BACH2: variants seen among roughly 807,000 people sequenced by gnomAD.
BACH2 encodes the protein BACH transcriptional regulator 2, also known as transcription regulator protein BACH2.
Under a neutral mutation model 61.8 loss-of-function variants are expected in BACH2, and 5 were observed. That is an observed-to-expected ratio of 0.08 (90% confidence interval 0.04 to 0.17). The LOEUF is 0.17. Ranked by LOEUF, BACH2 falls within the 10% of genes least tolerant of loss-of-function variation. The pLI, the probability that BACH2 is intolerant of heterozygous loss-of-function variation, is 1.00. For missense variants in BACH2, 824 were observed against 1,091.1 expected, an observed-to-expected ratio of 0.76 and a Z score of 3.45; for synonymous variants, 446 against 440.1, an observed-to-expected ratio of 1.01 and a Z score of -0.17.
intron 3 of BACH2, among the ~76,000 whole-genome samples, chr6:90,227,549 T>A (rs1769957185): frequency 6.6e-6 from 1 of 152,204 alleles, no homozygotes; most frequent in South Asian, 2.1e-4. Flanking sequence ...ACCCCTCCAT[T>A]TCAAAAGAGA....
At chr6:90,005,206 G>C (rs12216256) in intron 6 of BACH2, among the ~76,000 whole-genome samples, 20 of 152,176 alleles carry the variant, frequency 1.3e-4, no homozygotes, top group South Asian at 8.3e-4. Context: ...TGGGGAGTTG[G>C]GGGGAGGAGT....
Position 89,947,722 on chromosome 6 carries a change from C to T in BACH2, c.1836+2548G>A, listed in dbSNP as rs974392803. Among the ~76,000 whole-genome samples, 26 of 152,012 alleles carry T rather than the reference C, an allele frequency of 1.7e-4. 1 individual carries two copies. Among genetic ancestry groups the T allele is most frequent in the African/African-American group, 3.9e-4 (16 of 41,434 alleles). ...CTGGGACTACAGGCGCCCACCACGACGCCCAGCTAATTTTTTTTTTTGTAT... is the reference window on the plus strand; with the variant it reads ...CTGGGACTACAGGCGCCCACCACGATGCCCAGCTAATTTTTTTTTTTGTAT... On this transcript the variant is annotated intron_variant, in intron 7 of 8. Coordinates refer to ENST00000257749, the MANE Select transcript of BACH2 (RefSeq NM_021813.4).
chr6:90,131,519 C>A (rs576507579), intron 4 of BACH2, among the ~76,000 whole-genome samples: 71 of 152,304 alleles, frequency 4.7e-4, no homozygotes, highest in African/African-American at 1.6e-3. Context: ...TGGCCCAAAT[C>A]TCAGCGAAAG....
chr6:90,070,862 C>A (rs1395007187), intron 5 of BACH2, among the ~76,000 whole-genome samples: 1 of 152,204 alleles, frequency 6.6e-6, no homozygotes, highest in Non-Finnish European at 1.5e-5. Context: ...CTTCTCCAGG[C>A]TAACCTTTCT....
intron 4 of BACH2, among the ~76,000 whole-genome samples, chr6:90,110,522 C>G (rs1783122859): frequency 6.6e-6 from 1 of 152,204 alleles, no homozygotes; most frequent in Non-Finnish European, 1.5e-5. Flanking sequence ...ATATCACCAT[C>G]AATCTCGTCA....
At chr6:90,239,340 C>A (rs1770359485) in intron 3 of BACH2, among the ~76,000 whole-genome samples, 1 of 152,220 alleles carries the variant, frequency 6.6e-6, no homozygotes, top group Admixed American at 6.5e-5. Flanking sequence ...ACAATCTTGA[C>A]TTCCCAGACA....
At chr6:90,291,167 G>A (rs1035586796) in intron 1 of BACH2, among the ~76,000 whole-genome samples, 2 of 152,146 alleles carry the variant, frequency 1.3e-5, no homozygotes, top group African/African-American at 4.8e-5. Flanking sequence ...CTGAAGAAAC[G>A]GTGATTATGA....
chr6:90,151,189 G>A (rs1005539067), intron 4 of BACH2, among the ~76,000 whole-genome samples: 3 of 152,148 alleles, frequency 2.0e-5, no homozygotes, highest in East Asian at 1.9e-4. Context: ...AATCCTATGC[G>A]TTTTAAAACT....
intron 4 of BACH2, among the ~76,000 whole-genome samples, chr6:90,146,067 G>C (rs941992248): frequency 1.3e-5 from 2 of 152,234 alleles, no homozygotes; most frequent in Non-Finnish European, 2.9e-5. Context: ...TTATGTGCAT[G>C]TGCACAGAAA....
At chr6:90,077,080 A>C (rs1781504044) in intron 5 of BACH2, among the ~76,000 whole-genome samples, 1 of 152,190 alleles carries the variant, frequency 6.6e-6, no homozygotes, top group Non-Finnish European at 1.5e-5. Flanking sequence ...CCGCCTGGCC[A>C]GTACCCTCAA....
chr6:90,000,236 G>A (rs1320937377), intron 6 of BACH2, among the ~76,000 whole-genome samples: 2 of 152,088 alleles, frequency 1.3e-5, no homozygotes, highest in Non-Finnish European at 2.9e-5. Flanking sequence ...AACTCCATCC[G>A]AGACTGAGGA....
chr6:90,251,857 C>T (rs1467190063), intron 3 of BACH2, among the ~76,000 whole-genome samples: 2 of 152,042 alleles, frequency 1.3e-5, no homozygotes, highest in African/African-American at 4.8e-5. Flanking sequence ...TTTCTATAAA[C>T]CTGCACTGAT....
At chr6:90,062,947 C>A (rs373795391) in intron 5 of BACH2, 2 of 984,808 alleles carry the variant, frequency 2.0e-6, no homozygotes, top group African/African-American at 3.5e-5. Context: ...CTTCCACTTG[C>A]GTTTTTCTTC....
At chr6:90,265,134 A>G (rs918002065) in intron 2 of BACH2, among the ~76,000 whole-genome samples, 1 of 152,238 alleles carries the variant, frequency 6.6e-6, no homozygotes, top group South Asian at 2.1e-4. Flanking sequence ...ATCAGCCATT[A>G]CAACAAGAAA....
intron 4 of BACH2, among the ~76,000 whole-genome samples, chr6:90,160,980 C>T (rs147315844): frequency 0.014 from 2,082 of 150,736 alleles, 19 homozygotes; most frequent in Non-Finnish European, 0.022. Flanking sequence ...ACCAGCTACT[C>T]TGGAGGCTGA....
chr6:90,004,158 T>C (rs1028354036), intron 6 of BACH2, among the ~76,000 whole-genome samples: 1 of 152,254 alleles, frequency 6.6e-6, no homozygotes, highest in African/African-American at 2.4e-5. Context: ...GCATCTGTGC[T>C]TGGCAGTACT....
At chr6:90,069,562 A>T (rs1209134322) in intron 5 of BACH2, among the ~76,000 whole-genome samples, 1 of 152,244 alleles carries the variant, frequency 6.6e-6, no homozygotes, top group Non-Finnish European at 1.5e-5. Flanking sequence ...TACAAGCCCA[A>T]GGGATGCAAG....
At chr6:89,941,295 G>A (rs1773413597) in intron 7 of BACH2, among the ~76,000 whole-genome samples, 1 of 152,160 alleles carries the variant, frequency 6.6e-6, no homozygotes, top group South Asian at 2.1e-4. Context: ...TCTGTGGTTG[G>A]GTGCAAGCTC....
intron 3 of BACH2, among the ~76,000 whole-genome samples, chr6:90,233,470 T>C (rs1770163294): frequency 6.6e-6 from 1 of 152,208 alleles, no homozygotes; most frequent in Non-Finnish European, 1.5e-5. Flanking sequence ...TAGTGCTGGC[T>C]TAGAATGACA....
Sources: allele counts gnomAD v4.1 joint callset (sites outside exome capture counted in the v4.1 genomes callset), GRCh38; gene constraint gnomAD v4.1.1; transcripts MANE v1.5; gene names NCBI Gene and HGNC (gene_info 2026-07-23, HGNC 2026-07-21).